Variants in RAPH1 observed in about 807,000 individuals in gnomAD.
RAPH1 encodes the protein Ras association (RalGDS/AF-6) and pleckstrin homology domains 1, also known as ras-associated and pleckstrin homology domains-containing protein 1.
RAPH1 carries 18 observed loss-of-function variants against 88.1 expected under a neutral mutation model. That is an observed-to-expected ratio of 0.20 (90% CI 0.14 to 0.30). The LOEUF is 0.30. Ranked by LOEUF, RAPH1 falls within the 10% of genes least tolerant of loss-of-function variation. RAPH1 has a pLI of 1.00. For missense variants in RAPH1, 1,448 were observed against 1,543.2 expected (o/e 0.94, Z 1.03); for synonymous variants, 587 against 559.0 (o/e 1.05, Z -0.71).
rs765818627 is a variant in RAPH1, at chr2:203,441,249, G to A, written c.1941C>T (p.Pro647=). Residue 647 remains proline (P), a synonymous_variant, in exon 14 of 14, where the codon CCC becomes CCT. Transcript: ENST00000319170. ...AAGGTGCAGACTGGCTGGGGAGTGG[G>A]GGAGGAGGGGGTGGTGGAGGGGGTG... is the stretch of plus-strand genomic sequence containing the variant. ...PPPPPPPPPP[P]PLPSQSAPSA... 5 of 1,396,708 alleles carry A rather than the reference G, an allele frequency of 3.6e-6. No individual in the cohort carries two copies. Among genetic ancestry groups the A allele is most frequent in the East Asian group, 2.4e-5 (1 of 41,268 alleles). The allele number at this position is 1,396,708 out of a possible 1,614,324, so 86.5% of individuals were successfully genotyped here.
At chr2:203,534,986 T>C (rs1007043223) in intron 1 of RAPH1, 125 bp downstream of exon 1, 6 of 152,106 alleles carry the variant, frequency 3.9e-5, no homozygotes, top group African/African-American at 1.4e-4. Context: ...CCGCCGACCG[T>C]ACCGCACCCG....
intron 4 of RAPH1, among the ~76,000 whole-genome samples, chr2:203,482,335 G>C (rs538616216): frequency 1.3e-5 from 2 of 152,106 alleles, no homozygotes; most frequent in African/African-American, 4.8e-5. Context: ...ACAGGTGCCC[G>C]CCACCATGCC....
Position 203,437,265 on chromosome 2 carries a change from T to G in RAPH1, c.*2172A>C, listed in dbSNP as rs182323841. 6.6e-6 allele frequency: 1 copy of G among 152,114 alleles called. No individual in the cohort carries two copies. The highest frequency in any genetic ancestry group is 1.5e-5 in the Non-Finnish European group (1 of 68,026). The allele number at this position is 152,114 out of a possible 1,614,324, so 9.4% of individuals were successfully genotyped here. On this transcript the variant is annotated 3_prime_UTR_variant, in exon 14 of 14. Coordinates refer to ENST00000319170, the MANE Select transcript of RAPH1 (RefSeq NM_213589.3). ...TTTTCCCCCTCAAGAAAAACTGAAG[T>G]GTTGTCTACCTTCTCATGAGAAAAT...
Position 203,489,853 on chromosome 2 carries a change from C to A in RAPH1, c.463G>T (p.Asp155Tyr), listed in dbSNP as rs145036827. Residue 155 changes from aspartate to tyrosine, a missense_variant, in exon 4 of 14, where the codon GAC (aspartate) becomes TAC (tyrosine). Transcript: ENST00000319170. ...KPSHASYSLD[D>Y]VTAQLEQASL... ...GCCTGTTCTAACTGTGCAGTGACGTCGTCCAAGGAGTAGCTGGCATGGGAA... is the reference window on the plus strand; with the variant it reads ...GCCTGTTCTAACTGTGCAGTGACGTAGTCCAAGGAGTAGCTGGCATGGGAA... 2 of 1,614,208 alleles carry A rather than the reference C, an allele frequency of 1.2e-6. No individual in the cohort carries two copies. Among genetic ancestry groups the A allele is most frequent in the South Asian group, 1.1e-5 (1 of 91,076 alleles).
rs146132625 is a variant in RAPH1, at chr2:203,444,532, T to A, written c.1776+336A>T. 176 of 317,218 alleles carry A rather than the reference T, an allele frequency of 5.5e-4. 1 individual carries two copies. In the East Asian group the frequency reaches 7.9e-3, roughly 14 times the overall value. 19.7% of individuals were successfully genotyped at this position (317,218 alleles called of 1,614,324 possible). ...TTTAGGGCATTTGCAATAGATGGTG[T>A]TTTGCCATCCAAACTGCTTAAAGGT... On this transcript the variant is annotated intron_variant, in intron 13 of 13. Transcript: ENST00000319170.
At chr2:203,528,299 C>G (rs991748352) in intron 1 of RAPH1, among the ~76,000 whole-genome samples, 1 of 152,048 alleles carries the variant, frequency 6.6e-6, no homozygotes, top group African/African-American at 2.4e-5. Flanking sequence ...TATCTACACA[C>G]TCTAAGAACA....
chr2:203,490,554 C>T (rs1394739434), intron 3 of RAPH1, among the ~76,000 whole-genome samples: 1 of 152,168 alleles, frequency 6.6e-6, no homozygotes, highest in Non-Finnish European at 1.5e-5. Flanking sequence ...ACAGTGGCTG[C>T]TTTAAAAATT....
At chr2:203,506,859 T>G (rs1388694780) in intron 1 of RAPH1, among the ~76,000 whole-genome samples, 13 of 84,000 alleles carry the variant, frequency 1.5e-4, no homozygotes, top group African/African-American at 6.1e-4. Context: ...TCTATATCTA[T>G]ATATATATAT....
At position 203,496,035 on chromosome 2, in the gene RAPH1, A is replaced by G. The variant is rs184046189; in HGVS notation, c.1-682T>C. Among the ~76,000 whole-genome samples, 510 of 152,354 alleles carry G rather than the reference A, an allele frequency of 3.3e-3. 6 individuals carry two copies. The highest frequency in any genetic ancestry group is 0.025 in the South Asian group (119 of 4,832). ...ACTTTTCAAATATAAGTCCCTTGAAAGAAGAAATTATCTTCCTTCTTCCCA... is the reference window on the plus strand; with the variant it reads ...ACTTTTCAAATATAAGTCCCTTGAAGGAAGAAATTATCTTCCTTCTTCCCA... On this transcript the variant is annotated intron_variant, in intron 1 of 13. Coordinates refer to ENST00000319170, the MANE Select transcript of RAPH1 (RefSeq NM_213589.3).
rs569892936 is a variant in RAPH1, at chr2:203,518,248, G to A, written c.-1+16863C>T. ...GAATACTATAAGGCTGGGCACAGTG[G>A]TGCACACTTGTAGTCCCAGCACTTT... On this transcript the variant is annotated intron_variant, in intron 1 of 13. Transcript: ENST00000319170. Among the ~76,000 whole-genome samples, 285 of 152,264 alleles carry A rather than the reference G, an allele frequency of 1.9e-3. 3 individuals carry two copies. Among genetic ancestry groups the A allele is most frequent in the African/African-American group, 6.6e-3 (273 of 41,564 alleles).
At position 203,439,271 on chromosome 2, in the gene RAPH1, TAC is replaced by T. The variant is rs1292591254; in HGVS notation, c.*164_*165del. The T allele has an allele frequency of 3.2e-6, 2 of 617,198 alleles. No individual in the cohort carries two copies. Among genetic ancestry groups the T allele is most frequent in the Non-Finnish European group, 5.7e-6 (2 of 348,522 alleles). The allele number at this position is 617,198 out of a possible 1,614,324, so 38.2% of individuals were successfully genotyped here. A position where few individuals can be genotyped will look rare whatever the true frequency, so the allele number is the denominator to read the frequency against. ...TATGTATACATATATACACACACTG[TAC>T]AGCTGTGTGTACATGCACGTGTACA... is the stretch of plus-strand genomic sequence containing the variant. On this transcript the variant is annotated 3_prime_UTR_variant, in exon 14 of 14. Transcript: ENST00000319170.
intron 1 of RAPH1, among the ~76,000 whole-genome samples, chr2:203,530,452 TAC>T (rs1690339819): frequency 6.6e-6 from 1 of 152,244 alleles, no homozygotes; most frequent in African/African-American, 2.4e-5. Context: ...CAGTCCCATC[TAC>T]AGTCTTCAGG....
intron 4 of RAPH1, among the ~76,000 whole-genome samples, chr2:203,462,401 A>G (rs1289359724): frequency 3.9e-5 from 6 of 152,216 alleles, no homozygotes; most frequent in Non-Finnish European, 8.8e-5. Context: ...TCTACAACAA[A>G]AAACAATACC....
intron 1 of RAPH1, among the ~76,000 whole-genome samples, chr2:203,510,225 G>T (rs1038943085): frequency 6.7e-6 from 1 of 150,324 alleles, no homozygotes; most frequent in Non-Finnish European, 1.5e-5. Flanking sequence ...AATCCCAGCT[G>T]CTCAGGAGGC....
chr2:203,448,001 T>C lies in RAPH1; in HGVS notation c.1591A>G (p.Ser531Gly). Residue 531 changes from serine to glycine, a missense_variant, in exon 12 of 14, where the codon AGC (serine) becomes GGC (glycine). Physicochemically the swap from Ser to Gly is moderately conservative, Grantham distance 56. Coordinates refer to ENST00000319170, the MANE Select transcript of RAPH1 (RefSeq NM_213589.3). This position sits in a 1 kb window ranked among gnomAD's most constrained non-coding sequence, Gnocchi z 4.1. Reference protein sequence around the residue: ...ESAYDWTSLSSSSIKSGSSSS... With the variant: ...ESAYDWTSLSGSSIKSGSSSS... ...CTGGATCCCGATTTAATGCTGGAGCTGGATAAGGAAGTCCAATCATAGGCT... is the reference window on the plus strand; with the variant it reads ...CTGGATCCCGATTTAATGCTGGAGCCGGATAAGGAAGTCCAATCATAGGCT... 6.2e-7 allele frequency: 1 copy of C among 1,613,964 alleles called. No homozygotes were observed. The highest frequency in any genetic ancestry group is 8.5e-7 in the Non-Finnish European group (1 of 1,179,896).
Position 203,508,239 on chromosome 2 carries a change from A to G in RAPH1, c.1-12886T>C, listed in dbSNP as rs796153192. Among the ~76,000 whole-genome samples the G allele has an allele frequency of 8.0e-4, 120 of 150,162 alleles. 1 individual carries two copies. Among genetic ancestry groups the G allele is most frequent in the Middle Eastern group, 3.4e-3 (1 of 294 alleles). ...TCTGTCTCAAAAAAAAAAAAAAAAAAAAAGGAAGAAAGAAAGAAATATACA... is the reference window on the plus strand; with the variant it reads ...TCTGTCTCAAAAAAAAAAAAAAAAAGAAAGGAAGAAAGAAAGAAATATACA... On this transcript the variant is annotated intron_variant, in intron 1 of 13. Transcript: ENST00000319170.
chr2:203,497,626 AATATCTCTAATAAAT>A (rs1338415121), intron 1 of RAPH1, among the ~76,000 whole-genome samples: 3 of 152,160 alleles, frequency 2.0e-5, no homozygotes, highest in Non-Finnish European at 4.4e-5. Flanking sequence ...ACAGCTAACC[AATATCTCTAATAAAT>A]ATATCTCTAA....
chr2:203,525,581 C>T (rs988353477), intron 1 of RAPH1, among the ~76,000 whole-genome samples: 17 of 151,810 alleles, frequency 1.1e-4, no homozygotes, highest in Admixed American at 1.1e-3. Context: ...ACAGCCTGGC[C>T]AACATGGTAA....
intron 1 of RAPH1, among the ~76,000 whole-genome samples, chr2:203,521,929 G>A (rs1458836932): frequency 6.6e-6 from 1 of 151,966 alleles, no homozygotes; most frequent in Non-Finnish European, 1.5e-5. Flanking sequence ...TATCTGTGTT[G>A]CATATTTCCA....
Sources: gnomAD v4.1 joint callset for allele counts (sites outside exome capture counted in the v4.1 genomes callset) on GRCh38, gnomAD v4.1.1 for gene constraint, Gnocchi (gnomAD v3.1) non-coding constraint, MANE v1.5 for transcripts, NCBI Gene and HGNC (gene_info 2026-07-23, HGNC 2026-07-21) for gene names.